The following POC1A variants were observed in gnomAD, a reference collection of about 807,000 sequenced individuals.
The protein encoded by POC1A is POC1 centriolar protein A, also known as POC1 centriolar protein homolog A.
Under a neutral mutation model 47.8 loss-of-function variants are expected in POC1A, and 34 were observed. The observed-to-expected ratio is 0.71, with a 90% CI of 0.54 to 0.95. POC1A has a LOEUF of 0.95. POC1A is among the 40% of genes least tolerant of loss of function. The pLI is 0.00. For synonymous variants in POC1A, 177 were observed against 207.6 expected (o/e 0.85, Z 1.27); for missense variants, 466 against 528.3 (o/e 0.88, Z 1.16).
intron 7 of POC1A, among the ~76,000 whole-genome samples, chr3:52,128,022 T>C (rs1005407138): frequency 2.0e-5 from 3 of 152,098 alleles, no homozygotes; most frequent in African/African-American, 4.8e-5. Flanking sequence ...ATAATGAATA[T>C]ATGGCATTGC....
At chr3:52,142,917 G>A (rs113059143) in intron 6 of POC1A, among the ~76,000 whole-genome samples, 6 of 152,106 alleles carry the variant, frequency 3.9e-5, no homozygotes, top group Non-Finnish European at 5.9e-5. Context: ...ATGTCCTCCC[G>A]TCAGCAGAGG....
At chr3:52,077,264 C>G (rs1018758705) in intron 10 of POC1A, among the ~76,000 whole-genome samples, 1 of 152,242 alleles carries the variant, frequency 6.6e-6, no homozygotes, top group Non-Finnish European at 1.5e-5. Flanking sequence ...GGTTTTGCCC[C>G]CTTCCCTGGG....
chr3:52,100,873 A>G (rs1577835671), intron 9 of POC1A, among the ~76,000 whole-genome samples: 1 of 152,258 alleles, frequency 6.6e-6, no homozygotes, highest in East Asian at 1.9e-4. Flanking sequence ...TCCCCTGTAG[A>G]AGAGCATCCT....
At chr3:52,144,210 T>G (rs530125039) in intron 6 of POC1A, among the ~76,000 whole-genome samples, 71 of 152,278 alleles carry the variant, frequency 4.7e-4, no homozygotes, top group Admixed American at 1.8e-3. Flanking sequence ...TCCTCCCTCC[T>G]CTGCACCTGC....
Position 52,149,193 on chromosome 3 carries a change from G to C in POC1A, c.455+17C>G. 6.2e-7 allele frequency: 1 copy of C among 1,613,320 alleles called. No homozygotes were observed. The highest frequency in any genetic ancestry group is 2.2e-5 in the East Asian group (1 of 44,888). ...CCCAGGGTTCCTCCAAGGGTCTCCA[G>C]ACAGAACAATGCTCACTTGGCACAG... On this transcript the variant is annotated intron_variant, in intron 4 of 10. Transcript: ENST00000296484.
intron 9 of POC1A, among the ~76,000 whole-genome samples, chr3:52,109,128 A>G (rs1485600325): frequency 6.6e-6 from 1 of 152,176 alleles, no homozygotes; most frequent in African/African-American, 2.4e-5. Flanking sequence ...AGCAGAGAAC[A>G]TGGGTTTTCT....
chr3:52,092,050 G>A (rs560226620), intron 10 of POC1A, among the ~76,000 whole-genome samples: 2 of 152,334 alleles, frequency 1.3e-5, no homozygotes, highest in East Asian at 1.9e-4. Flanking sequence ...TGGTGGGGAT[G>A]TGTAAAGCTG....
intron 8 of POC1A, among the ~76,000 whole-genome samples, chr3:52,123,182 C>A (rs531455133): frequency 6.6e-6 from 1 of 152,398 alleles, no homozygotes. Flanking sequence ...ACACACTCGT[C>A]ATCCCAAGGC....
At chr3:52,121,946 G>A (rs555011451) in intron 9 of POC1A, among the ~76,000 whole-genome samples, 2 of 152,272 alleles carry the variant, frequency 1.3e-5, no homozygotes, top group Admixed American at 1.3e-4. Context: ...GAAAAAAAAA[G>A]GGAGGGAAGT....
At chr3:52,110,633 G>A (rs568749782) in intron 9 of POC1A, among the ~76,000 whole-genome samples, 1 of 152,370 alleles carries the variant, frequency 6.6e-6, no homozygotes, top group Middle Eastern at 3.4e-3. Flanking sequence ...GGGCTCTCCT[G>A]TGGAGAGGTG....
intron 7 of POC1A, among the ~76,000 whole-genome samples, chr3:52,129,801 C>T (rs913937828): frequency 2.0e-5 from 3 of 152,186 alleles, no homozygotes; most frequent in Non-Finnish European, 4.4e-5. Flanking sequence ...CCATATCTGG[C>T]CCTGGAGCTT....
chr3:52,116,866 G>C (rs531424172), intron 9 of POC1A, among the ~76,000 whole-genome samples: 9 of 152,206 alleles, frequency 5.9e-5, no homozygotes, highest in Admixed American at 5.9e-4. Flanking sequence ...GCCTAGACAA[G>C]ACAGGGAGAC....
intron 10 of POC1A, among the ~76,000 whole-genome samples, chr3:52,082,701 A>T (rs1488041365): frequency 1.3e-5 from 2 of 152,156 alleles, no homozygotes; most frequent in African/African-American, 4.8e-5. Flanking sequence ...AGCATGGTAT[A>T]AAAAGAACTG....
Position 52,122,465 on chromosome 3 carries a change from TCCAAACCATCACCTG to T in POC1A, c.883-3_894del. 5.0e-6 allele frequency: 8 copies of T among 1,609,440 alleles called. No homozygotes were observed. Among genetic ancestry groups the T allele is most frequent in the Non-Finnish European group, 6.8e-6 (8 of 1,175,810 alleles). On this transcript the variant is annotated splice_acceptor_variant and splice_polypyrimidine_tract_variant and coding_sequence_variant and intron_variant, in exon 9 of 11. Coordinates refer to ENST00000296484, the MANE Select transcript of POC1A (RefSeq NM_015426.5). LOFTEE classifies it high-confidence loss of function. ...TGATCAACAATATCAAAGTTACTCT[TCCAAACCATCACCTG>T]CCAAAACCAACAGGCACACCAAGTC...
chr3:52,151,802 C>G (rs1653459658), intron 1 of POC1A, among the ~76,000 whole-genome samples: 1 of 151,874 alleles, frequency 6.6e-6, no homozygotes, highest in Non-Finnish European at 1.5e-5. Context: ...TCTACCGATT[C>G]CACATAATTC....
At chr3:52,131,517 G>A (rs1050436309) in intron 7 of POC1A, among the ~76,000 whole-genome samples, 4 of 152,146 alleles carry the variant, frequency 2.6e-5, no homozygotes, top group African/African-American at 9.7e-5. Context: ...CCTCAAATAG[G>A]GCACTGGCAC....
chr3:52,130,113 T>G (rs1341603209), intron 7 of POC1A, among the ~76,000 whole-genome samples: 2 of 152,230 alleles, frequency 1.3e-5, no homozygotes, highest in Non-Finnish European at 2.9e-5. Flanking sequence ...ACAACAGCTA[T>G]GCTGGCAAAC....
chr3:52,123,146 C>T (rs548774792), intron 8 of POC1A, among the ~76,000 whole-genome samples: 4 of 152,338 alleles, frequency 2.6e-5, no homozygotes, highest in African/African-American at 9.6e-5. Flanking sequence ...GCCTGGTGGA[C>T]ACGGGCACAC....
intron 6 of POC1A, among the ~76,000 whole-genome samples, chr3:52,139,939 G>GT (rs1240052730): frequency 6.6e-6 from 1 of 152,174 alleles, no homozygotes; most frequent in Non-Finnish European, 1.5e-5. Flanking sequence ...GAAAACCCCA[G>GT]TGTCTTTCTT....
Sources: gnomAD v4.1 joint callset for allele counts (sites outside exome capture counted in the v4.1 genomes callset) on GRCh38, gnomAD v4.1.1 for gene constraint, MANE v1.5 for transcripts, NCBI Gene and HGNC (gene_info 2026-07-23, HGNC 2026-07-21) for gene names.